The following ACTR3C variants were observed in gnomAD, a reference collection of about 807,000 sequenced individuals.
ACTR3C encodes actin related protein 3C.
In ACTR3C, 18 loss-of-function variants were observed where a neutral mutation model predicts 26.3. The ratio of observed to expected loss-of-function variants is 0.68; its 90% CI spans 0.47 to 1.01. The LOEUF is 1.01. Ranked by LOEUF, ACTR3C falls within the 50% of genes least tolerant of loss-of-function variation. The probability of loss-of-function intolerance (pLI) is 0.00; values close to 1 mark genes in which losing one functional copy is unlikely to be tolerated. For missense variants in ACTR3C, 184 were observed against 250.7 expected (o/e 0.73, Z 1.80); for synonymous variants, 55 against 94.5 (o/e 0.58, Z 2.42).
At chr7:150,320,891 T>C (rs1458338700) in intron 1 of ACTR3C, among the ~76,000 whole-genome samples, 1 of 152,236 alleles carries the variant, frequency 6.6e-6, no homozygotes, top group African/African-American at 2.4e-5. Flanking sequence ...CCAGCCTTTA[T>C]TTAGGATAGT....
intron 6 of ACTR3C, among the ~76,000 whole-genome samples, chr7:150,251,624 T>C (rs1832860638): frequency 6.6e-6 from 1 of 152,044 alleles, no homozygotes; most frequent in Non-Finnish European, 1.5e-5. Context: ...AAAATAGGTA[T>C]AGGGAATGTA....
chr7:150,311,647 C>T (rs908947491), intron 1 of ACTR3C, among the ~76,000 whole-genome samples: 2 of 152,124 alleles, frequency 1.3e-5, no homozygotes, highest in African/African-American at 4.8e-5. Flanking sequence ...ATAGCATCTT[C>T]CCCCTTTCCT....
chr7:149,979,129 T>C, the ACTR3C span, among the ~76,000 whole-genome samples: 1 of 152,324 alleles, frequency 6.6e-6, no homozygotes, highest in East Asian at 1.9e-4. Context: ...ATTTAGCAAA[T>C]GATCAGTTAA....
At chr7:150,006,940 T>C in the ACTR3C span, among the ~76,000 whole-genome samples, 1 of 152,172 alleles carries the variant, frequency 6.6e-6, no homozygotes, top group East Asian at 1.9e-4. Flanking sequence ...TCAAGCCAAT[T>C]AGCAACCGGA....
the ACTR3C span, among the ~76,000 whole-genome samples, chr7:150,080,468 C>G: frequency 6.6e-6 from 1 of 150,864 alleles, no homozygotes; most frequent in Admixed American, 6.6e-5. Context: ...CAAATAAAAC[C>G]CAAAACTACA....
the ACTR3C span, among the ~76,000 whole-genome samples, chr7:150,126,555 T>C: frequency 1.3e-5 from 2 of 152,210 alleles, no homozygotes; most frequent in Non-Finnish European, 2.9e-5. Flanking sequence ...ACACACTGAA[T>C]GAGCCCACTG....
chr7:149,918,604 T>C, the ACTR3C span, among the ~76,000 whole-genome samples: 145,784 of 152,248 alleles, frequency 0.96, 70,100 homozygotes, highest in East Asian at 1. Context: ...ACAGGAGAAT[T>C]GCTTGAACCC....
chr7:150,293,209 G>A, intron 3 of ACTR3C, 103 bp downstream of exon 3: 1 of 1,545,348 alleles, frequency 6.5e-7, no homozygotes, highest in Non-Finnish European at 8.7e-7. Flanking sequence ...CATCTAAATT[G>A]TATTTTCATT....
At chr7:150,187,408 A>G in the ACTR3C span, among the ~76,000 whole-genome samples, 3 of 151,872 alleles carry the variant, frequency 2.0e-5, no homozygotes, top group South Asian at 2.1e-4. Flanking sequence ...TACCATTGAC[A>G]TCTTGTACAA....
chr7:149,937,203 CAA>C, the ACTR3C span, among the ~76,000 whole-genome samples: 80,035 of 85,102 alleles, frequency 0.94, 38,177 homozygotes, highest in East Asian at 1. Flanking sequence ...CTTTGTGCTA[CAA>C]ATTCTTTATG....
At chr7:150,149,941 C>T in the ACTR3C span, among the ~76,000 whole-genome samples, 16,052 of 129,986 alleles carry the variant, frequency 0.12, 1 homozygote, top group East Asian at 0.24. Context: ...GAAAGTAGCC[C>T]GATTTTCTAA....
the ACTR3C span, among the ~76,000 whole-genome samples, chr7:150,028,651 G>T: frequency 6.6e-6 from 1 of 152,244 alleles, no homozygotes; most frequent in African/African-American, 2.4e-5. Flanking sequence ...AGCAGCTGCT[G>T]TCTGGGAAGA....
chr7:150,219,923 CT>C, the ACTR3C span, among the ~76,000 whole-genome samples: 2 of 145,658 alleles, frequency 1.4e-5, 1 homozygote, highest in African/African-American at 5.6e-5. Context: ...TCTCGAAAGC[CT>C]CGCAATCATG....
chr7:150,039,821 G>T, the ACTR3C span, among the ~76,000 whole-genome samples: 4 of 133,446 alleles, frequency 3.0e-5, no homozygotes, highest in African/African-American at 5.4e-5. Context: ...CTCGCGGGGG[G>T]TGCCTCCGCC....
chr7:150,048,897 G>C, the ACTR3C span, among the ~76,000 whole-genome samples: 1 of 152,020 alleles, frequency 6.6e-6, no homozygotes, highest in South Asian at 2.1e-4. Context: ...CGGGGCGGCA[G>C]AGGACGCCCA....
At chr7:150,016,392 T>C in the ACTR3C span, among the ~76,000 whole-genome samples, 100 of 152,116 alleles carry the variant, frequency 6.6e-4, no homozygotes, top group African/African-American at 2.2e-3. Context: ...GTAATACACA[T>C]CTCATGTTTT....
chr7:150,205,197 A>C, the ACTR3C span, among the ~76,000 whole-genome samples: 740 of 152,344 alleles, frequency 4.9e-3, 9 homozygotes, highest in South Asian at 0.034. Context: ...TGGAGAAAAG[A>C]ATAAGGCTGT....
the ACTR3C span, among the ~76,000 whole-genome samples, chr7:149,949,990 ACAGGGAGGAAGTGCACCCACGGGAG>A: frequency 1.6e-4 from 22 of 139,320 alleles, no homozygotes; most frequent in East Asian, 2.0e-4. Context: ...CACTCCCTGG[ACAGGGAGGAAGTGCACCCACGGGAG>A]CAGGGAGGAA....
chr7:150,054,419 C>A, the ACTR3C span, among the ~76,000 whole-genome samples: 1 of 152,232 alleles, frequency 6.6e-6, no homozygotes, highest in African/African-American at 2.4e-5. Flanking sequence ...CAGGCAGAGG[C>A]TTTGCAGCTG....
Sources: gnomAD v4.1 joint callset for allele counts (sites outside exome capture counted in the v4.1 genomes callset) on GRCh38, gnomAD v4.1.1 for gene constraint, MANE v1.5 for transcripts, NCBI Gene and HGNC (gene_info 2026-07-23, HGNC 2026-07-21) for gene names.